The following FSTL5 variants were observed in gnomAD, a reference collection of about 807,000 sequenced individuals.
FSTL5 encodes follistatin-related protein 5.
In FSTL5, 62 loss-of-function variants were observed where a neutral mutation model predicts 89.1. The observed-to-expected ratio is 0.70, with a 90% CI of 0.57 to 0.86. The LOEUF (loss-of-function observed/expected upper bound fraction) is 0.86. Ranked by LOEUF, FSTL5 falls within the 40% of genes least tolerant of loss-of-function variation. The pLI is 0.00. For missense variants in FSTL5, 1,057 were observed against 1,001.6 expected, an observed-to-expected ratio of 1.06 and a Z score of -0.75; for synonymous variants, 383 against 346.2, an observed-to-expected ratio of 1.11 and a Z score of -1.18.
At chr4:161,526,927 C>T (rs367622310) in intron 10 of FSTL5, among the ~76,000 whole-genome samples, 5 of 152,190 alleles carry the variant, frequency 3.3e-5, no homozygotes, top group East Asian at 3.9e-4. Flanking sequence ...CTTGGTGATG[C>T]GGGCTCTTTT....
At chr4:161,435,191 C>A (rs1039350408) in intron 15 of FSTL5, among the ~76,000 whole-genome samples, 1 of 151,732 alleles carries the variant, frequency 6.6e-6, no homozygotes. Context: ...CATCACCAGA[C>A]GAATGGATAA....
rs1006242500 is a variant in FSTL5 at position 161,422,955 on chromosome 4, G to C, written c.1841+32049C>G. On this transcript the variant is annotated intron_variant, in intron 15 of 15. Coordinates refer to ENST00000306100, the MANE Select transcript of FSTL5 (RefSeq NM_020116.5). ...AGTACCTGTTAAAGCTGTTTATGGA[G>C]ACCACAAGGAAGAAATAATTTTTAT... 1.6e-4 allele frequency among the ~76,000 whole-genome samples: 24 copies of C among 152,264 alleles called. 2 individuals carry two copies. In the Middle Eastern group the frequency reaches 0.017, roughly 108 times the overall value.
At chr4:161,971,828 C>A (rs1033943522) in intron 3 of FSTL5, among the ~76,000 whole-genome samples, 2 of 152,158 alleles carry the variant, frequency 1.3e-5, no homozygotes, top group Middle Eastern at 3.4e-3. Context: ...ATACTAACAT[C>A]TTTTCTCCAG....
intron 4 of FSTL5, among the ~76,000 whole-genome samples, chr4:161,778,332 T>A (rs1437316885): frequency 6.6e-6 from 1 of 152,228 alleles, no homozygotes; most frequent in African/African-American, 2.4e-5. Flanking sequence ...TTTATGTTAG[T>A]TGAGATTTTT....
intron 8 of FSTL5, among the ~76,000 whole-genome samples, chr4:161,560,433 T>G (rs1196182909): frequency 1.3e-5 from 2 of 151,928 alleles, no homozygotes; most frequent in African/African-American, 2.4e-5. Flanking sequence ...ATAATAAATT[T>G]TCCTTAGCTT....
intron 4 of FSTL5, among the ~76,000 whole-genome samples, chr4:161,834,201 C>T (rs1730951202): frequency 6.6e-6 from 1 of 152,018 alleles, no homozygotes; most frequent in East Asian, 1.9e-4. Context: ...AAGACAAAAA[C>T]CACATGATTA....
At position 161,694,319 on chromosome 4, in the gene FSTL5, G is replaced by C. The variant is rs552529326; in HGVS notation, c.728-37825C>G. On this transcript the variant is annotated intron_variant, in intron 6 of 15. Transcript: ENST00000306100. Reference sequence around the variant, plus strand: ...TCTTACTTTAATATATCTGATGGTAGGTACCTTAGGCTTTGTTATTTTCTG... The same window carrying C: ...TCTTACTTTAATATATCTGATGGTACGTACCTTAGGCTTTGTTATTTTCTG... Among the ~76,000 whole-genome samples, 11 of 152,056 alleles carry C rather than the reference G, an allele frequency of 7.2e-5. No homozygotes were observed. In the East Asian group the frequency reaches 2.1e-3, roughly 29 times the overall value.
At chr4:161,640,771 T>C (rs1192115966) in intron 7 of FSTL5, among the ~76,000 whole-genome samples, 1 of 152,152 alleles carries the variant, frequency 6.6e-6, no homozygotes, top group East Asian at 1.9e-4. Context: ...ACTCTCCCAA[T>C]TTAATAAAAG....
intron 12 of FSTL5, among the ~76,000 whole-genome samples, chr4:161,487,120 T>A (rs1160630267): frequency 1.3e-5 from 2 of 152,210 alleles, no homozygotes; most frequent in Admixed American, 6.5e-5. Flanking sequence ...TGGCAATGAA[T>A]CATATATTAT....
intron 1 of FSTL5, among the ~76,000 whole-genome samples, chr4:162,148,971 G>C (rs1468600319): frequency 1.3e-5 from 2 of 152,154 alleles, no homozygotes; most frequent in Non-Finnish European, 2.9e-5. Flanking sequence ...AACAGTGTGA[G>C]ATTACTCTAG....
At chr4:161,650,203 A>G (rs35656235) in intron 7 of FSTL5, among the ~76,000 whole-genome samples, 25,618 of 152,166 alleles carry the variant, frequency 0.17, 2,725 homozygotes, top group Non-Finnish European at 0.25. Context: ...AACATAATAG[A>G]TAAAATTCAC....
chr4:161,630,433 T>C (rs1735466457), intron 7 of FSTL5, among the ~76,000 whole-genome samples: 1 of 152,230 alleles, frequency 6.6e-6, no homozygotes, highest in South Asian at 2.1e-4. Context: ...AAATATGTGC[T>C]TTTATGAGCC....
intron 6 of FSTL5, among the ~76,000 whole-genome samples, chr4:161,694,284 T>C (rs1738057368): frequency 6.6e-6 from 1 of 152,142 alleles, no homozygotes; most frequent in Non-Finnish European, 1.5e-5. Context: ...CTTTCTGCAA[T>C]TCCTATAAAT....
chr4:161,952,198 A>G (rs1475188168), intron 3 of FSTL5, among the ~76,000 whole-genome samples: 1 of 152,044 alleles, frequency 6.6e-6, no homozygotes, highest in Non-Finnish European at 1.5e-5. Flanking sequence ...TGATCAGACT[A>G]TCAGCTGCTC....
At position 161,459,249 on chromosome 4, in the gene FSTL5, C is replaced by A. The variant is rs766251418; in HGVS notation, c.1679G>T (p.Ser560Ile). 1 of 1,613,332 alleles carries A rather than the reference C, an allele frequency of 6.2e-7. No individual in the cohort carries two copies. The highest frequency in any genetic ancestry group is 1.1e-5 in the South Asian group (1 of 91,060). The change falls in exon 14 of 16, where the codon AGC becomes ATC. Residue 560 changes from serine to isoleucine, a missense_variant. By Grantham distance (142) the Ser-to-Ile change is moderately radical. Around this residue, in one of 3 missense-constraint regions of FSTL5, gnomAD observed 980 missense variants for 903.2 expected, o/e 1.08. Transcript: ENST00000306100. Reference sequence around the variant, plus strand: ...TGATGTCTTCTCCAAGGTACCCCAGCTTAGCACCCAGACCTGATCATGTGA... The same window carrying A: ...TGATGTCTTCTCCAAGGTACCCCAGATTAGCACCCAGACCTGATCATGTGA... ...DKSHDQVWVL[S>I]WGTLEKTSPT...
At chr4:161,422,498 G>A (rs1357463413) in intron 15 of FSTL5, among the ~76,000 whole-genome samples, 6 of 152,040 alleles carry the variant, frequency 3.9e-5, no homozygotes, top group South Asian at 2.1e-4. Context: ...TGAATATCTC[G>A]GAAACTAGGA....
intron 7 of FSTL5, among the ~76,000 whole-genome samples, chr4:161,603,751 A>G (rs1418141153): frequency 6.6e-6 from 1 of 152,212 alleles, no homozygotes; most frequent in Non-Finnish European, 1.5e-5. Flanking sequence ...TTCGAGAGAC[A>G]GAACGTCTCC....
At chr4:161,777,172 C>T (rs1741438837) in intron 4 of FSTL5, among the ~76,000 whole-genome samples, 1 of 151,114 alleles carries the variant, frequency 6.6e-6, no homozygotes, top group Admixed American at 6.6e-5. Context: ...ACATAATATC[C>T]ACCAGTTCCA....
intron 7 of FSTL5, among the ~76,000 whole-genome samples, chr4:161,636,993 G>T (rs1735742215): frequency 1.9e-5 from 1 of 53,328 alleles, no homozygotes; most frequent in Non-Finnish European, 3.4e-5. Flanking sequence ...TGGGATGGCT[G>T]GGTCAAATGG....
Sources: allele counts gnomAD v4.1 joint callset (sites outside exome capture counted in the v4.1 genomes callset), GRCh38; gene constraint gnomAD v4.1.1; regional missense constraint gnomAD v4.1.1; transcripts MANE v1.5; gene names NCBI Gene and HGNC (gene_info 2026-07-23, HGNC 2026-07-21).